PHACTR1: variants seen among roughly 807,000 people sequenced by gnomAD.
PHACTR1 encodes the protein RPEL repeat containing 1.
PHACTR1 carries 16 observed loss-of-function variants against 69.2 expected under a neutral mutation model. That is an observed-to-expected ratio of 0.23 (90% CI 0.16 to 0.35). The LOEUF (loss-of-function observed/expected upper bound fraction) is 0.35. Among genes scored for constraint, PHACTR1 ranks in the 10% least tolerant of loss-of-function variants. PHACTR1 has a pLI of 1.00. For missense variants in PHACTR1, 510 were observed against 734.7 expected (o/e 0.69, Z 3.54); for synonymous variants, 312 against 284.5 (o/e 1.10, Z -0.97).
At chr6:13,154,029 T>TATTTCAGTAAATG (rs1359385196) in intron 5 of PHACTR1, among the ~76,000 whole-genome samples, 4 of 152,248 alleles carry the variant, frequency 2.6e-5, no homozygotes, top group African/African-American at 9.6e-5. Context: ...ATTGTAAGTA[T>TATTTCAGTAAATG]ATTTCAGTAA....
intron 4 of PHACTR1, among the ~76,000 whole-genome samples, chr6:12,853,051 A>G (rs932556908): frequency 6.6e-6 from 1 of 152,176 alleles, no homozygotes; most frequent in African/African-American, 2.4e-5. Context: ...TCTTATTGCA[A>G]CTTGAAGCAT....
chr6:13,167,301 G>T (rs1442345683), intron 6 of PHACTR1, among the ~76,000 whole-genome samples: 2 of 152,200 alleles, frequency 1.3e-5, no homozygotes, highest in Non-Finnish European at 2.9e-5. Context: ...TGGTGATTGT[G>T]CTATTTCCAT....
At chr6:12,986,483 G>GATGAGAAGCCATACTAAT (rs1796204046) in intron 4 of PHACTR1, among the ~76,000 whole-genome samples, 1 of 152,182 alleles carries the variant, frequency 6.6e-6, no homozygotes. Flanking sequence ...TCAGTCTTTA[G>GATGAGAAGCCATACTAAT]CTCACTAGAT....
At chr6:12,962,071 G>A (rs2127569130) in intron 4 of PHACTR1, among the ~76,000 whole-genome samples, 1 of 152,108 alleles carries the variant, frequency 6.6e-6, no homozygotes, top group East Asian at 1.9e-4. Flanking sequence ...TGGGACCACA[G>A]GGGTATGACA....
intron 3 of PHACTR1, among the ~76,000 whole-genome samples, chr6:12,722,029 T>C (rs1001046298): frequency 6.6e-6 from 1 of 152,194 alleles, no homozygotes; most frequent in Non-Finnish European, 1.5e-5. Context: ...CTCCACCACA[T>C]GGCAGTTCTC....
intron 4 of PHACTR1, among the ~76,000 whole-genome samples, chr6:12,949,664 C>G (rs563181364): frequency 2.0e-5 from 3 of 152,130 alleles, no homozygotes; most frequent in African/African-American, 7.2e-5. Context: ...TATATAAACC[C>G]TGATATAAAA....
At chr6:13,081,688 G>A (rs1355316408) in intron 5 of PHACTR1, among the ~76,000 whole-genome samples, 2 of 152,100 alleles carry the variant, frequency 1.3e-5, no homozygotes, top group Non-Finnish European at 2.9e-5. Flanking sequence ...TTAGCCAGGT[G>A]TGCAGATGTG....
chr6:12,789,897 G>T (rs1772034602), intron 4 of PHACTR1, among the ~76,000 whole-genome samples: 1 of 151,256 alleles, frequency 6.6e-6, no homozygotes, highest in African/African-American at 2.4e-5. Context: ...TTTAGCATTA[G>T]GTATATCTCC....
intron 4 of PHACTR1, among the ~76,000 whole-genome samples, chr6:12,916,945 T>C (rs1228397265): frequency 2.6e-5 from 4 of 152,180 alleles, no homozygotes; most frequent in African/African-American, 9.7e-5. Context: ...ACTTTCAACA[T>C]ATCAGCATTC....
intron 4 of PHACTR1, among the ~76,000 whole-genome samples, chr6:12,959,835 A>G (rs911468543): frequency 6.6e-6 from 1 of 152,214 alleles, no homozygotes; most frequent in Non-Finnish European, 1.5e-5. Context: ...TGCATAGATC[A>G]TGGTGCCCAC....
intron 10 of PHACTR1, among the ~76,000 whole-genome samples, chr6:13,270,982 T>G (rs967710771): frequency 6.7e-6 from 1 of 148,418 alleles, no homozygotes. Context: ...AGAGAGAGAG[T>G]GAGCAGGGAG....
chr6:13,201,782 T>TA (rs369496640), intron 7 of PHACTR1, among the ~76,000 whole-genome samples: 96 of 152,338 alleles, frequency 6.3e-4, no homozygotes, highest in African/African-American at 2.0e-3. Flanking sequence ...TAAGATGTTG[T>TA]AAAAATATAC....
chr6:13,023,421 A>G (rs1176545776), intron 4 of PHACTR1, among the ~76,000 whole-genome samples: 1 of 152,196 alleles, frequency 6.6e-6, no homozygotes, highest in African/African-American at 2.4e-5. Context: ...TGCCTCTGCT[A>G]TTTTGGCACA....
At chr6:12,766,061 G>A (rs1417514859) in intron 4 of PHACTR1, among the ~76,000 whole-genome samples, 1 of 152,070 alleles carries the variant, frequency 6.6e-6, no homozygotes, top group South Asian at 2.1e-4. Context: ...TTTTGACCTG[G>A]ACCCTAGGAA....
chr6:12,792,787 T>C (rs1772484388), intron 4 of PHACTR1, among the ~76,000 whole-genome samples: 1 of 151,834 alleles, frequency 6.6e-6, no homozygotes, highest in African/African-American at 2.4e-5. Context: ...TAAATAGAGC[T>C]GTAGATTCTT....
chr6:13,145,285 G>A (rs1823164033), intron 5 of PHACTR1, among the ~76,000 whole-genome samples: 1 of 152,168 alleles, frequency 6.6e-6, no homozygotes, highest in African/African-American at 2.4e-5. Flanking sequence ...TATCATATAT[G>A]TATACAAGAA....
intron 4 of PHACTR1, among the ~76,000 whole-genome samples, chr6:12,976,534 T>C (rs1794902344): frequency 6.6e-6 from 1 of 152,224 alleles, no homozygotes; most frequent in Non-Finnish European, 1.5e-5. Flanking sequence ...ATTGCTATAG[T>C]CTTTCCCACT....
intron 3 of PHACTR1, among the ~76,000 whole-genome samples, chr6:12,733,284 T>C (rs536357130): frequency 6.6e-6 from 1 of 152,334 alleles, no homozygotes; most frequent in South Asian, 2.1e-4. Context: ...AAACTGAGGC[T>C]TAGGGAAGAC....
chr6:13,206,443 A>G (rs1306805971), intron 8 of PHACTR1, among the ~76,000 whole-genome samples: 13 of 152,178 alleles, frequency 8.5e-5, no homozygotes, highest in East Asian at 1.9e-4. Flanking sequence ...TTGCAACTTC[A>G]GTAAAATAAA....
Sources: gnomAD v4.1 joint callset for allele counts (sites outside exome capture counted in the v4.1 genomes callset) on GRCh38, gnomAD v4.1.1 for gene constraint, MANE v1.5 for transcripts, NCBI Gene and HGNC (gene_info 2026-07-23, HGNC 2026-07-21) for gene names.